The following MCRS1 variants were observed in gnomAD, a reference collection of about 807,000 sequenced individuals.
The protein encoded by MCRS1 is 58 kDa microspherule protein.
A neutral mutation model predicts 62.9 loss-of-function variants in MCRS1; 22 were observed. That is an observed-to-expected ratio of 0.35 (90% CI 0.25 to 0.50). MCRS1 has a LOEUF of 0.50. Among genes scored for constraint, MCRS1 ranks in the 20% least tolerant of loss-of-function variants. The pLI is 0.98. For synonymous variants in MCRS1, 244 were observed against 233.5 expected, an observed-to-expected ratio of 1.04 and a Z score of -0.41; for missense variants, 456 against 601.1, an observed-to-expected ratio of 0.76 and a Z score of 2.52.
intron 4 of MCRS1, 122 bp downstream of exon 4, chr12:49,565,405 AGG>A: frequency 1.3e-6 from 2 of 1,503,256 alleles, no homozygotes; most frequent in Non-Finnish European, 1.8e-6. Context: ...ATCTGAGATG[AGG>A]GCTGGGGCAG....
At chr12:49,563,747 G>A (rs987503527) in intron 6 of MCRS1, among the ~76,000 whole-genome samples, 44 of 152,146 alleles carry the variant, frequency 2.9e-4, no homozygotes, top group Non-Finnish European at 5.4e-4. Context: ...CTCAGAAAAC[G>A]GAGGCCCCTA....
Position 49,558,503 on chromosome 12 carries a change from C to T in MCRS1, c.*140G>A. ...CTTCACAAAGGCCAGCCCTATCCTCCCTCAAAGGCTCAAATCAATGGCCCG... is the reference window on the plus strand; with the variant it reads ...CTTCACAAAGGCCAGCCCTATCCTCTCTCAAAGGCTCAAATCAATGGCCCG... On this transcript the variant is annotated 3_prime_UTR_variant, in exon 15 of 15. Coordinates refer to ENST00000343810, the MANE Select transcript of MCRS1 (RefSeq NM_006337.5). 1 of 832,636 alleles carries T rather than the reference C, an allele frequency of 1.2e-6. No homozygotes were observed. The highest frequency in any genetic ancestry group is 2.7e-5 in the East Asian group (1 of 37,716). The allele number at this position is 832,636 out of a possible 1,614,324, so 51.6% of individuals were successfully genotyped here. A position where few individuals can be genotyped will look rare whatever the true frequency, so the allele number is the denominator to read the frequency against.
intron 13 of MCRS1, 23 bp from the exon 14 acceptor site, chr12:49,558,993 G>T: frequency 6.2e-7 from 1 of 1,600,980 alleles, no homozygotes; most frequent in South Asian, 1.1e-5. Context: ...AAAGAAAGAA[G>T]GGATGATGGG....
In MCRS1 at chr12:49,558,691, G is replaced by C. The variant is rs537208168; in HGVS notation, c.1341C>G (p.Asp447Glu). ...SLRFVFLINQ[D>E]LIALIRAEAA... ...CCTCAGCCCTGATGAGGGCAATGAG[G>C]TCCTGGTTGATAAGGAAGACGAATC... Residue 447 changes from aspartate to glutamate, a missense_variant, in exon 15 of 15, where the codon GAC becomes GAG. Coordinates refer to ENST00000343810, the MANE Select transcript of MCRS1 (RefSeq NM_006337.5). 1.9e-6 allele frequency: 3 copies of C among 1,613,812 alleles called. No individual in the cohort carries two copies. Among genetic ancestry groups the C allele is most frequent in the Non-Finnish European group, 2.5e-6 (3 of 1,180,048 alleles).
chr12:49,566,036 T>C, intron 3 of MCRS1, 41 bp downstream of exon 3: 1 of 1,598,044 alleles, frequency 6.3e-7, no homozygotes, highest in Non-Finnish European at 8.5e-7. Flanking sequence ...CCACAGACCT[T>C]CTACCCTTTC....
rs528932667 is a variant in MCRS1 at position 49,558,744 on chromosome 12, AAGGTGGCTTAAGACAG to A, written c.1303-31_1303-16del. The stretch of plus-strand genomic sequence containing the variant: ...AGGCTGGCGATCTGGGTGGGAGACA[AAGGTGGCTTAAGACAG>A]AGGTGGCACCAGGACCAAGTTGGTG... On this transcript the variant is annotated splice_polypyrimidine_tract_variant and intron_variant, in intron 14 of 14. Coordinates refer to ENST00000343810, the MANE Select transcript of MCRS1 (RefSeq NM_006337.5). The A allele has an allele frequency of 8.2e-5, 132 of 1,613,802 alleles. No homozygotes were observed. In the African/African-American group the frequency reaches 1.7e-3, roughly 21 times the overall value.
intron 3 of MCRS1, 121 bp from the exon 4 acceptor site, chr12:49,565,788 CT>C: frequency 7.1e-7 from 1 of 1,409,972 alleles, no homozygotes; most frequent in Non-Finnish European, 9.9e-7. Context: ...CCTGCTTTCA[CT>C]TTACGCCACA....
At chr12:49,565,761 G>A (rs1402916994) in intron 3 of MCRS1, 94 bp from the exon 4 acceptor site, 7 of 1,555,662 alleles carry the variant, frequency 4.5e-6, no homozygotes, top group South Asian at 4.5e-5. Flanking sequence ...TGCCCAGTAG[G>A]GTGCTATCTG....
At position 49,558,943 on chromosome 12, in the gene MCRS1, T is replaced by A; in HGVS notation, c.1202A>T (p.Asp401Val). The A allele has an allele frequency of 1.9e-6, 3 of 1,612,250 alleles. No homozygotes were observed. Among genetic ancestry groups the A allele is most frequent in the Non-Finnish European group, 2.5e-6 (3 of 1,179,934 alleles). The change falls in exon 14 of 15, where the codon GAT becomes GTT. Residue 401 changes from aspartate (D) to valine (V), a missense_variant. By Grantham distance (152) the Asp-to-Val change is radical. This residue lies in a region of MCRS1 where 393 missense variants were observed against 523.5 expected (regional missense o/e 0.75). Coordinates refer to ENST00000343810, the MANE Select transcript of MCRS1 (RefSeq NM_006337.5). Reference sequence around the variant, plus strand: ...TCGACCCTCATTGGCAATGAAGAAATCACCGTTGTTCTTCAGCTTGATGAC... The same window carrying A: ...TCGACCCTCATTGGCAATGAAGAAAACACCGTTGTTCTTCAGCTTGATGAC... ...QGVIKLKNNG[D>V]FFIANEGRRP...
In MCRS1 at chr12:49,565,526, C is replaced by T. The variant is rs932035036; in HGVS notation, c.288+3G>A. On this transcript the variant is annotated splice_donor_region_variant and intron_variant, in intron 4 of 14. Coordinates refer to ENST00000343810, the MANE Select transcript of MCRS1 (RefSeq NM_006337.5). Reference sequence around the variant, plus strand: ...CCATCCCCTAAGTCTCCCAATTCCTCACCTTCTTCTTCTCACTGGAGGAGG... The same window carrying T: ...CCATCCCCTAAGTCTCCCAATTCCTTACCTTCTTCTTCTCACTGGAGGAGG... 1 of 1,578,038 alleles carries T rather than the reference C, an allele frequency of 6.3e-7. No individual in the cohort carries two copies. The highest frequency in any genetic ancestry group is 8.6e-7 in the Non-Finnish European group (1 of 1,163,368).
chr12:49,558,785 G>A, intron 14 of MCRS1, 56 bp from the exon 15 acceptor site: 1 of 1,613,536 alleles, frequency 6.2e-7, no homozygotes, highest in Non-Finnish European at 8.5e-7. Context: ...CCAAGTTGGT[G>A]TACTGGCTCA....
intron 2 of MCRS1, 141 bp from the exon 3 acceptor site, chr12:49,566,356 T>C (rs1939060924): frequency 6.4e-7 from 1 of 1,568,518 alleles, no homozygotes. Flanking sequence ...TAAGGTAGAG[T>C]TCCTTGGCCA....
rs1191307996 is a variant in MCRS1 at position 49,559,929 on chromosome 12, C to T, written c.910+10G>A. 6.2e-6 allele frequency: 10 copies of T among 1,614,168 alleles called. No homozygotes were observed. The highest frequency in any genetic ancestry group is 3.3e-5 in the South Asian group (3 of 91,082). ...TCCATCCCCTCACCACCCCATGAGG[C>T]CATACTTACCATGTTCCAGGACCTC... On this transcript the variant is annotated intron_variant, in intron 10 of 14. Transcript: ENST00000343810. The surrounding 1 kb of genome is among the most constrained non-coding windows in gnomAD (Gnocchi z 5.2).
rs149428034 is a variant in MCRS1 at position 49,561,477 on chromosome 12, T to C, written c.806-1107A>G. On this transcript the variant is annotated intron_variant, in intron 8 of 14. Coordinates refer to ENST00000343810, the MANE Select transcript of MCRS1 (RefSeq NM_006337.5). ...TTCCGCTGACTTGACAGCTAAGCAA[T>C]GTGTCCTGCCTATTCCTAGGGTCTC... Among the ~76,000 whole-genome samples the C allele has an allele frequency of 1.3e-3, 197 of 152,306 alleles. 1 individual carries two copies. The East Asian group carries it at 0.016, about 13-fold the overall frequency.
chr12:49,560,228 T>C, intron 9 of MCRS1, 67 bp downstream of exon 9: 1 of 1,547,892 alleles, frequency 6.5e-7, no homozygotes, highest in Non-Finnish European at 8.9e-7. Flanking sequence ...CTGGGCAGCC[T>C]GGGGCGCTCT....
Position 49,566,174 on chromosome 12 carries a change from T to A in MCRS1, c.52A>T (p.Thr18Ser). 6.2e-7 allele frequency: 1 copy of A among 1,614,152 alleles called. No homozygotes were observed. Among genetic ancestry groups the A allele is most frequent in the Non-Finnish European group, 8.5e-7 (1 of 1,180,010 alleles). ...TCCTCATCCTCTGAGCGGCTGGCAG[T>A]GCCTGATGCCATCAGGGATGAATCT... ...LLDSSLMASG[T>S]ASRSEDEESL... Residue 18 changes from threonine (T) to serine (S), a missense_variant, in exon 3 of 15, where the codon ACT (threonine) becomes TCT (serine). Physicochemically the swap from Thr to Ser is moderately conservative, Grantham distance 58. Transcript: ENST00000343810.
chr12:49,559,827 G>A lies in MCRS1; in HGVS notation c.911-6C>T. 6.2e-7 allele frequency: 1 copy of A among 1,614,204 alleles called. No individual in the cohort carries two copies. Among genetic ancestry groups the A allele is most frequent in the Non-Finnish European group, 8.5e-7 (1 of 1,180,030 alleles). On this transcript the variant is annotated splice_region_variant and splice_polypyrimidine_tract_variant and intron_variant, in intron 10 of 14. Transcript: ENST00000343810. The surrounding 1 kb of genome is among the most constrained non-coding windows in gnomAD (Gnocchi z 5.2). ...CCGGTCAGCCACCATCAGCTCTGGG[G>A]TGAGGTGGGGTGGTAAGGAGGGATG...
In MCRS1 at chr12:49,566,555, G is replaced by T; in HGVS notation, c.10+167C>A. ...CGTGCTAAAGAGCAGCAGCTCAACA[G>T]CAAGTCAGTCAACTGTGGCTCTGCC... On this transcript the variant is annotated intron_variant, in intron 2 of 14. Coordinates refer to ENST00000343810, the MANE Select transcript of MCRS1 (RefSeq NM_006337.5). 4.1e-6 allele frequency: 6 copies of T among 1,476,960 alleles called. No homozygotes were observed. The South Asian group carries it at 7.3e-5, about 18-fold the overall frequency. 91.5% of individuals were successfully genotyped at this position (1,476,960 alleles called of 1,614,324 possible). A position where few individuals can be genotyped will look rare whatever the true frequency, so the allele number is the denominator to read the frequency against.
chr12:49,565,552 G>C lies in MCRS1; in HGVS notation c.265C>G (p.Pro89Ala), dbSNP rs1353335729. ...VEPGRCSGSE[P>A]SSSEKKKVSK... ...ACCTTCTTCTTCTCACTGGAGGAGG[G>C]TTCACTCCCCGAACAGCGCCCTGGT... The change falls in exon 4 of 15, where the codon CCC (proline) becomes GCC (alanine). Residue 89 changes from proline (P) to alanine (A), a missense_variant. Coordinates refer to ENST00000343810, the MANE Select transcript of MCRS1 (RefSeq NM_006337.5). 2 of 1,604,612 alleles carry C rather than the reference G, an allele frequency of 1.2e-6. No homozygotes were observed. The highest frequency in any genetic ancestry group is 2.2e-5 in the East Asian group (1 of 44,856).
Sources: allele counts gnomAD v4.1 joint callset (sites outside exome capture counted in the v4.1 genomes callset), GRCh38; gene constraint gnomAD v4.1.1; regional missense constraint gnomAD v4.1.1; non-coding constraint Gnocchi (gnomAD v3.1); transcripts MANE v1.5; gene names NCBI Gene and HGNC (gene_info 2026-07-23, HGNC 2026-07-21).